Variants in GSN observed in about 807,000 individuals in gnomAD.
The protein encoded by GSN is actin-depolymerizing factor.
Under a neutral mutation model 85.7 loss-of-function variants are expected in GSN, and 56 were observed. That is an observed-to-expected ratio of 0.65 (90% CI 0.53 to 0.82). The LOEUF is 0.82. GSN is among the 40% of genes least tolerant of loss of function. The pLI, the probability that GSN is intolerant of heterozygous loss-of-function variation, is 0.00. For missense variants in GSN, 857 were observed against 979.8 expected (o/e 0.87, Z 1.67); for synonymous variants, 373 against 399.1 (o/e 0.93, Z 0.78).
intron 4 of GSN, chr9:121,309,215 GATTTGACA>G (rs1287178239): frequency 1.3e-5 from 2 of 152,304 alleles, no homozygotes; most frequent in Non-Finnish European, 2.9e-5. Context: ...TTCCAACTCT[GATTTGACA>G]ACTCTGGGGC....
intron 6 of GSN, chr9:121,313,379 A>G (rs560362916): frequency 2.0e-5 from 4 of 198,020 alleles, no homozygotes; most frequent in Admixed American, 5.3e-5. Flanking sequence ...GAGAGAGCAG[A>G]ATGGTGATTA....
At chr9:121,321,735 A>G (rs1020493516) in intron 11 of GSN, among the ~76,000 whole-genome samples, 6 of 47,744 alleles carry the variant, frequency 1.3e-4, no homozygotes, top group Non-Finnish European at 2.5e-4. Flanking sequence ...ATATTTGTTT[A>G]TTTATTTATT....
intron 5 of GSN, among the ~76,000 whole-genome samples, chr9:121,233,339 C>T (rs1240491686): frequency 6.6e-6 from 1 of 152,132 alleles, no homozygotes; most frequent in Non-Finnish European, 1.5e-5. Flanking sequence ...GTAGCATGCA[C>T]CTGTAATCCC....
At chr9:121,243,237 T>C (rs186229346) in intron 5 of GSN, among the ~76,000 whole-genome samples, 151 of 152,314 alleles carry the variant, frequency 9.9e-4, no homozygotes, top group African/African-American at 3.5e-3. Flanking sequence ...GCCAGCCACG[T>C]AGCATCTTCG....
chr9:121,284,117 A>C (rs1268045136), intron 2 of GSN: 1 of 167,156 alleles, frequency 6.0e-6, no homozygotes, highest in African/African-American at 2.4e-5. Context: ...CACCTAGGTT[A>C]TGTGGGCCCT....
chr9:121,206,566 A>G (rs1019355243), upstream of GSN, among the ~76,000 whole-genome samples: 12 of 152,122 alleles, frequency 7.9e-5, no homozygotes, highest in Admixed American at 1.3e-4. Flanking sequence ...CTCTCGTGTC[A>G]CAGCTTATGA....
At chr9:121,213,825 C>T (rs1416907830) in intron 4 of GSN, among the ~76,000 whole-genome samples, 2 of 152,192 alleles carry the variant, frequency 1.3e-5, no homozygotes, top group African/African-American at 4.8e-5. Context: ...CTCAGCTACA[C>T]CCAGCTGCCT....
intron 4 of GSN, among the ~76,000 whole-genome samples, chr9:121,219,180 C>T (rs563858114): frequency 1.1e-4 from 17 of 152,240 alleles, no homozygotes; most frequent in Admixed American, 7.2e-4. Context: ...GCTGCTGCTG[C>T]GCTTGCTGCT....
intron 5 of GSN, among the ~76,000 whole-genome samples, chr9:121,243,435 C>T (rs1198066461): frequency 6.6e-6 from 1 of 152,212 alleles, no homozygotes; most frequent in East Asian, 1.9e-4. Flanking sequence ...CCCAAAGTTC[C>T]AGGAATTAGG....
At chr9:121,231,213 C>T (rs2054382171) in exon 5 of GSN, 1 of 152,198 alleles carries the variant, frequency 6.6e-6, no homozygotes, top group Non-Finnish European at 1.5e-5. Context: ...AAAAACGCTC[C>T]ACAATGCTGC....
At chr9:121,289,543 A>G (rs954121619) in intron 2 of GSN, among the ~76,000 whole-genome samples, 7 of 152,096 alleles carry the variant, frequency 4.6e-5, no homozygotes, top group South Asian at 2.1e-4. Flanking sequence ...CTGCTGTAGG[A>G]GGGGTTGGAT....
At chr9:121,296,666 T>G (rs1051154914) in intron 2 of GSN, among the ~76,000 whole-genome samples, 4 of 152,174 alleles carry the variant, frequency 2.6e-5, no homozygotes, top group Non-Finnish European at 1.5e-5. Flanking sequence ...CTCGGGCCTC[T>G]TCCTTTCCAC....
At chr9:121,253,091 C>T (rs1213936821) in intron 6 of GSN, among the ~76,000 whole-genome samples, 1 of 152,184 alleles carries the variant, frequency 6.6e-6, no homozygotes, top group Non-Finnish European at 1.5e-5. Flanking sequence ...AGAGAGCTAG[C>T]TGGGTCTTTA....
At position 121,318,969 on chromosome 9, in the gene GSN, C is replaced by T. The variant is rs2062048979; in HGVS notation, c.1191+89C>T. The T allele has an allele frequency of 9.3e-7, 1 of 1,075,434 alleles. No homozygotes were observed. The highest frequency in any genetic ancestry group is 1.9e-5 in the Admixed American group (1 of 53,820). The allele number at this position is 1,075,434 out of a possible 1,614,324, so 66.6% of individuals were successfully genotyped here. A position where few individuals can be genotyped will look rare whatever the true frequency, so the allele number is the denominator to read the frequency against. ...CTTGCTTCCCCAAGGAGGTTTCTCT[C>T]TGAGGTTTGCACAACTTTGGTAGCT... On this transcript the variant is annotated intron_variant, in intron 10 of 17. Transcript: ENST00000432226. This position sits in a 1 kb window ranked among gnomAD's most constrained non-coding sequence, Gnocchi z 4.3.
At chr9:121,235,179 C>T (rs938283670) in intron 5 of GSN, among the ~76,000 whole-genome samples, 1 of 152,208 alleles carries the variant, frequency 6.6e-6, no homozygotes, top group African/African-American at 2.4e-5. Context: ...CAATCTCGCA[C>T]CCATGGCCCC....
chr9:121,227,162 G>A (rs997451843), intron 4 of GSN, among the ~76,000 whole-genome samples: 2 of 152,188 alleles, frequency 1.3e-5, no homozygotes, highest in African/African-American at 2.4e-5. Flanking sequence ...GGGAGGCCGA[G>A]GTGGGCGGAT....
intron 4 of GSN, among the ~76,000 whole-genome samples, chr9:121,215,129 C>T (rs1383684205): frequency 6.6e-6 from 1 of 151,862 alleles, no homozygotes; most frequent in Non-Finnish European, 1.5e-5. Flanking sequence ...CCAGGCTGTA[C>T]CTGTCATTGT....
Position 121,318,389 on chromosome 9 carries a change from C to A in GSN, c.887-17C>A. On this transcript the variant is annotated splice_polypyrimidine_tract_variant and intron_variant, in intron 8 of 17. Coordinates refer to ENST00000432226, the MANE Select transcript of GSN (RefSeq NM_198252.3). The surrounding 1 kb of genome is among the most constrained non-coding windows in gnomAD (Gnocchi z 4.3). The stretch of plus-strand genomic sequence containing the variant: ...CCGGGCCTCTAACCCTCCATCACTT[C>A]CTCTGGCTGCCAACAGGCAAGCAGG... 1 of 1,609,358 alleles carries A rather than the reference C, an allele frequency of 6.2e-7. No homozygotes were observed. Among genetic ancestry groups the A allele is most frequent in the Non-Finnish European group, 8.5e-7 (1 of 1,175,652 alleles).
chr9:121,218,578 T>TA (rs2054110873), intron 4 of GSN, among the ~76,000 whole-genome samples: 1 of 152,108 alleles, frequency 6.6e-6, no homozygotes, highest in Non-Finnish European at 1.5e-5. Context: ...GAGGTTGCAG[T>TA]AAGCCGATAA....
Sources: allele counts gnomAD v4.1 joint callset (sites outside exome capture counted in the v4.1 genomes callset), GRCh38; gene constraint gnomAD v4.1.1; non-coding constraint Gnocchi (gnomAD v3.1); transcripts MANE v1.5; gene names NCBI Gene and HGNC (gene_info 2026-07-23, HGNC 2026-07-21).